The following FAM177B variants were observed in gnomAD, a reference collection of about 807,000 sequenced individuals.
The protein encoded by FAM177B is protein FAM177B.
FAM177B carries 16 observed loss-of-function variants against 16.1 expected under a neutral mutation model. The ratio of observed to expected loss-of-function variants is 0.99; its 90% confidence interval spans 0.67 to 1.51. The LOEUF (loss-of-function observed/expected upper bound fraction) is 1.51, where lower values mean the gene tolerates loss of function less well. FAM177B is among the 40% of genes most tolerant of loss of function. The pLI, the probability that FAM177B is intolerant of heterozygous loss-of-function variation, is 0.00. For synonymous variants in FAM177B, 56 were observed against 59.9 expected (o/e 0.93, Z 0.30); for missense variants, 178 against 183.7 (o/e 0.97, Z 0.18).
chr1:222,742,051 T>A (rs997340928), intron 2 of FAM177B, among the ~76,000 whole-genome samples: 4 of 151,318 alleles, frequency 2.6e-5, no homozygotes, highest in African/African-American at 9.7e-5. Flanking sequence ...AGTCAGCCTC[T>A]CACCTCAACC....
At chr1:222,738,564 C>CAAAAAAAAAAAAAA (rs71175182) in intron 2 of FAM177B, among the ~76,000 whole-genome samples, 5 of 61,818 alleles carry the variant, frequency 8.1e-5, no homozygotes, top group African/African-American at 1.4e-4. Flanking sequence ...ACAAAAACTG[C>CAAAAAAAAAAAAAA]AAAAAAAAAA....
intron 5 of FAM177B, 48 bp downstream of exon 5, chr1:222,749,610 G>T (rs779543964): frequency 3.4e-6 from 4 of 1,167,880 alleles, no homozygotes; most frequent in Non-Finnish European, 5.0e-6. Flanking sequence ...GGGAATATTG[G>T]TTGCTCCAAA....
At chr1:222,749,172 C>T (rs894649132) in intron 4 of FAM177B, 33 of 428,228 alleles carry the variant, frequency 7.7e-5, no homozygotes, top group Non-Finnish European at 1.3e-4. Context: ...TTGCTCAGGA[C>T]CCATGCTATA....
intron 2 of FAM177B, among the ~76,000 whole-genome samples, chr1:222,746,029 T>TA (rs1268172999): frequency 6.6e-6 from 1 of 152,252 alleles, no homozygotes; most frequent in Non-Finnish European, 1.5e-5. Context: ...ATATCTTTGG[T>TA]AAAATCTCTA....
At chr1:222,747,271 ACT>A in intron 4 of FAM177B, 190 bp downstream of exon 4, 1 of 531,480 alleles carries the variant, frequency 1.9e-6, no homozygotes, top group South Asian at 2.7e-5. Context: ...TCTTTTACCA[ACT>A]CTCATCAGGA....
At chr1:222,741,739 C>T (rs979392236) in intron 2 of FAM177B, among the ~76,000 whole-genome samples, 1 of 148,230 alleles carries the variant, frequency 6.7e-6, no homozygotes, top group African/African-American at 2.5e-5. Flanking sequence ...CTCCCTCCCT[C>T]CCTCCCTCCT....
At chr1:222,748,427 G>A (rs1247339588) in intron 4 of FAM177B, among the ~76,000 whole-genome samples, 1 of 152,140 alleles carries the variant, frequency 6.6e-6, no homozygotes, top group Non-Finnish European at 1.5e-5. Context: ...GATGTATGGT[G>A]AGCCTAGCTT....
chr1:222,750,158 G>A lies in FAM177B; in HGVS notation c.*100G>A. 1.3e-6 allele frequency: 2 copies of A among 1,529,848 alleles called. No homozygotes were observed. The highest frequency in any genetic ancestry group is 1.7e-6 in the Non-Finnish European group (2 of 1,144,218). 94.8% of individuals were successfully genotyped at this position (1,529,848 alleles called of 1,614,324 possible). On this transcript the variant is annotated 3_prime_UTR_variant, in exon 6 of 6. Transcript: ENST00000445590. ...CTGTTCCTTGGCCATTGATTACCAT[G>A]GCAACAACACCAGAGGTAGCACTTC...
chr1:222,747,076 T>A lies in FAM177B; in HGVS notation c.236T>A (p.Phe79Tyr). ...FWAGRIASTS[F>Y]STCEFLGGRF... ...GCAGGACGAATAGCAAGCACCTCAT[T>A]TTCTAGTAAGTACTGCTAAGGTTAT... Residue 79 changes from phenylalanine (F) to tyrosine (Y), a missense_variant, in exon 4 of 6, where the codon TTT becomes TAT. Transcript: ENST00000445590. 6.2e-7 allele frequency: 1 copy of A among 1,605,816 alleles called. No individual in the cohort carries two copies. The highest frequency in any genetic ancestry group is 8.5e-7 in the Non-Finnish European group (1 of 1,172,460).
chr1:222,746,490 T>A lies in FAM177B; in HGVS notation c.-15-41T>A. The A allele has an allele frequency of 6.0e-6, 7 of 1,164,050 alleles. No individual in the cohort carries two copies. In the Admixed American group the frequency reaches 6.2e-5, roughly 10 times the overall value. The allele number at this position is 1,164,050 out of a possible 1,614,324, so 72.1% of individuals were successfully genotyped here. On this transcript the variant is annotated intron_variant, in intron 2 of 5. Transcript: ENST00000445590. ...AAAATAACTAGATAACTCTCAGCTCTGGGTAACTTGCCCTAAGGTGCCCTG... is the reference window on the plus strand; with the variant it reads ...AAAATAACTAGATAACTCTCAGCTCAGGGTAACTTGCCCTAAGGTGCCCTG...
Position 222,749,990 on chromosome 1 carries a change from C to T in FAM177B, c.409C>T (p.His137Tyr), listed in dbSNP as rs1572014445. The change falls in exon 6 of 6, where the codon CAC becomes TAC. Residue 137 changes from histidine (H) to tyrosine (Y), a missense_variant. Transcript: ENST00000445590. ...QAAEVPNEKC[H>Y]LEAGVQEYGT... is the part of the protein sequence containing the mutation. ...AGCTGAGGTTCCTAATGAAAAGTGT[C>T]ACTTGGAGGCTGGGGTCCAAGAGTA... The T allele has an allele frequency of 6.2e-7, 1 of 1,614,036 alleles. No individual in the cohort carries two copies. The highest frequency in any genetic ancestry group is 8.5e-7 in the Non-Finnish European group (1 of 1,179,918).
In FAM177B at chr1:222,750,154, C is replaced by A; in HGVS notation, c.*96C>A. The A allele has an allele frequency of 6.5e-7, 1 of 1,533,748 alleles. No individual in the cohort carries two copies. Among genetic ancestry groups the A allele is most frequent in the Non-Finnish European group, 8.7e-7 (1 of 1,145,974 alleles). On this transcript the variant is annotated 3_prime_UTR_variant, in exon 6 of 6. Transcript: ENST00000445590. ...GGATCTGTTCCTTGGCCATTGATTA[C>A]CATGGCAACAACACCAGAGGTAGCA...
intron 2 of FAM177B, among the ~76,000 whole-genome samples, chr1:222,738,464 A>T (rs1044009035): frequency 1.3e-5 from 2 of 151,032 alleles, no homozygotes; most frequent in Non-Finnish European, 2.9e-5. Flanking sequence ...CATGCCTGTA[A>T]TCCCAGCACT....
At chr1:222,743,886 T>G (rs1658664864) in intron 2 of FAM177B, among the ~76,000 whole-genome samples, 1 of 152,178 alleles carries the variant, frequency 6.6e-6, no homozygotes, top group Admixed American at 6.5e-5. Context: ...AAGGCCTATA[T>G]CTGGTTCTGA....
intron 2 of FAM177B, among the ~76,000 whole-genome samples, chr1:222,739,429 T>C (rs1658427838): frequency 6.6e-6 from 1 of 152,218 alleles, no homozygotes; most frequent in Admixed American, 6.5e-5. Context: ...GTCCCCAAAC[T>C]TGCCTGAACA....
At chr1:222,742,807 AT>A (rs34273035) in intron 2 of FAM177B, among the ~76,000 whole-genome samples, 87,434 of 151,280 alleles carry the variant, frequency 0.58, 26,868 homozygotes, top group Non-Finnish European at 0.68. Context: ...ATGCGACGAT[AT>A]TTTTTTTTTC....
Position 222,750,076 on chromosome 1 carries a change from G to A in FAM177B, c.*18G>A. 1 of 1,608,050 alleles carries A rather than the reference G, an allele frequency of 6.2e-7. No individual in the cohort carries two copies. The highest frequency in any genetic ancestry group is 8.5e-7 in the Non-Finnish European group (1 of 1,177,650). The stretch of plus-strand genomic sequence containing the variant: ...CTCAGTGAAGCACCTCATCCAGGGA[G>A]GGTCTGGTGGCAGATCCTAGCTCAT... On this transcript the variant is annotated 3_prime_UTR_variant, in exon 6 of 6. Coordinates refer to ENST00000445590, the MANE Select transcript of FAM177B (RefSeq NM_001394345.1).
intron 4 of FAM177B, chr1:222,747,301 A>C: frequency 3.9e-6 from 2 of 508,876 alleles, no homozygotes; most frequent in Non-Finnish European, 7.0e-6. Context: ...ATCTCGGCCC[A>C]AATTTTATCT....
chr1:222,750,142 G>A lies in FAM177B; in HGVS notation c.*84G>A. On this transcript the variant is annotated 3_prime_UTR_variant, in exon 6 of 6. Transcript: ENST00000445590. Reference sequence around the variant, plus strand: ...TGCAGTTTCCCTGGATCTGTTCCTTGGCCATTGATTACCATGGCAACAACA... The same window carrying A: ...TGCAGTTTCCCTGGATCTGTTCCTTAGCCATTGATTACCATGGCAACAACA... The A allele has an allele frequency of 6.5e-7, 1 of 1,547,534 alleles. No homozygotes were observed. The highest frequency in any genetic ancestry group is 1.2e-5 in the South Asian group (1 of 80,026).
Sources: gnomAD v4.1 joint callset for allele counts (sites outside exome capture counted in the v4.1 genomes callset) on GRCh38, gnomAD v4.1.1 for gene constraint, MANE v1.5 for transcripts, NCBI Gene and HGNC (gene_info 2026-07-23, HGNC 2026-07-21) for gene names.